Variants in SLC24A2 observed in about 807,000 individuals in gnomAD.
SLC24A2 encodes the protein solute carrier family 24 member 2.
A neutral mutation model predicts 62.0 loss-of-function variants in SLC24A2; 36 were observed. That is an observed-to-expected ratio of 0.58 (90% CI 0.44 to 0.77). The LOEUF (loss-of-function observed/expected upper bound fraction) is 0.77. Among genes scored for constraint, SLC24A2 ranks in the 30% least tolerant of loss-of-function variants. SLC24A2 has a pLI of 0.00. For missense variants in SLC24A2, 846 were observed against 817.9 expected, an observed-to-expected ratio of 1.03 and a Z score of -0.42; for synonymous variants, 358 against 294.0, an observed-to-expected ratio of 1.22 and a Z score of -2.23.
the SLC24A2 span, among the ~76,000 whole-genome samples, chr9:20,203,779 C>T: frequency 6.6e-6 from 1 of 152,134 alleles, no homozygotes; most frequent in Non-Finnish European, 1.5e-5. Flanking sequence ...AGAAAAAATA[C>T]ATCCCAACCC....
chr9:19,792,538 A>G (rs913240707), upstream of SLC24A2, among the ~76,000 whole-genome samples: 7 of 25,562 alleles, frequency 2.7e-4, no homozygotes, highest in Non-Finnish European at 6.9e-4. Flanking sequence ...TAAAAATACA[A>G]AAAAAAAAAA....
the SLC24A2 span, among the ~76,000 whole-genome samples, chr9:20,002,910 C>T: frequency 1.8e-3 from 276 of 152,306 alleles, 1 homozygote; most frequent in African/African-American, 5.7e-3. Flanking sequence ...GCTGACTCTA[C>T]GGATGTACAA....
the SLC24A2 span, among the ~76,000 whole-genome samples, chr9:20,157,960 A>G: frequency 6.6e-6 from 1 of 151,648 alleles, no homozygotes; most frequent in Non-Finnish European, 1.5e-5. Context: ...ATAAGAAGAA[A>G]GTAAGCAAAC....
the SLC24A2 span, among the ~76,000 whole-genome samples, chr9:20,166,468 G>A: frequency 3.3e-5 from 5 of 151,932 alleles, no homozygotes; most frequent in African/African-American, 4.8e-5. Flanking sequence ...TTATGCAACT[G>A]TAAAACAGAG....
the SLC24A2 span, among the ~76,000 whole-genome samples, chr9:20,201,278 A>T: frequency 6.6e-6 from 1 of 152,228 alleles, no homozygotes; most frequent in African/African-American, 2.4e-5. Context: ...GCCTCACTGA[A>T]TACAGAGAAA....
the SLC24A2 span, among the ~76,000 whole-genome samples, chr9:19,822,458 T>C: frequency 6.6e-6 from 1 of 152,154 alleles, no homozygotes; most frequent in African/African-American, 2.4e-5. Context: ...CTGTGACTGA[T>C]GCTGGTCTTA....
chr9:20,018,951 C>G, the SLC24A2 span, among the ~76,000 whole-genome samples: 4 of 151,918 alleles, frequency 2.6e-5, no homozygotes, highest in African/African-American at 9.7e-5. Context: ...GTCATCTCAG[C>G]TCCTCAGGAG....
the SLC24A2 span, among the ~76,000 whole-genome samples, chr9:20,020,825 T>C: frequency 6.6e-6 from 1 of 152,200 alleles, no homozygotes; most frequent in Non-Finnish European, 1.5e-5. Context: ...CACTTTTACC[T>C]TTACTCCTTG....
chr9:19,704,482 T>A (rs1007308825), intron 2 of SLC24A2, among the ~76,000 whole-genome samples: 1 of 152,226 alleles, frequency 6.6e-6, no homozygotes, highest in East Asian at 1.9e-4. Flanking sequence ...CTGGAAATTA[T>A]TTAAATTTTT....
the SLC24A2 span, among the ~76,000 whole-genome samples, chr9:20,281,661 G>C: frequency 6.6e-6 from 1 of 152,182 alleles, no homozygotes; most frequent in Non-Finnish European, 1.5e-5. Flanking sequence ...GAACTGCTCA[G>C]CATCATTGTT....
At chr9:19,529,704 G>T (rs1044604110) in intron 8 of SLC24A2, among the ~76,000 whole-genome samples, 2 of 150,030 alleles carry the variant, frequency 1.3e-5, no homozygotes, top group Admixed American at 1.3e-4. Flanking sequence ...GGGTAATGGG[G>T]GAAATAAAAA....
intron 2 of SLC24A2, among the ~76,000 whole-genome samples, chr9:19,668,229 G>A (rs1230394218): frequency 1.3e-5 from 2 of 152,098 alleles, no homozygotes; most frequent in African/African-American, 2.4e-5. Flanking sequence ...TTTATTTTGC[G>A]ATCCCACCAG....
intron 2 of SLC24A2, among the ~76,000 whole-genome samples, chr9:19,747,499 C>G (rs558786566): frequency 1.3e-5 from 2 of 152,260 alleles, no homozygotes; most frequent in Admixed American, 6.5e-5. Context: ...TAGAAGAGGA[C>G]TAACTAATAC....
the SLC24A2 span, among the ~76,000 whole-genome samples, chr9:20,004,013 G>C: frequency 0.011 from 1,719 of 152,206 alleles, 13 homozygotes; most frequent in Admixed American, 0.022. Context: ...AATTAGTTGG[G>C]CTAGAGTGCT....
intron 9 of SLC24A2, among the ~76,000 whole-genome samples, chr9:19,523,852 G>A (rs960178731): frequency 6.6e-6 from 1 of 152,098 alleles, no homozygotes; most frequent in African/African-American, 2.4e-5. Context: ...ACAGAAGTGG[G>A]CTTACTGGGG....
At chr9:19,630,870 C>T (rs549189229) in intron 2 of SLC24A2, among the ~76,000 whole-genome samples, 37 of 152,306 alleles carry the variant, frequency 2.4e-4, no homozygotes, top group Middle Eastern at 6.8e-3. Context: ...GAACCAGTCT[C>T]ACTCCTTGAT....
chr9:20,016,698 G>C, the SLC24A2 span, among the ~76,000 whole-genome samples: 1 of 152,062 alleles, frequency 6.6e-6, no homozygotes, highest in South Asian at 2.1e-4. Context: ...CTGATTTGTT[G>C]ACAGCAAGTA....
the SLC24A2 span, among the ~76,000 whole-genome samples, chr9:20,053,609 T>C: frequency 1.3e-5 from 2 of 152,296 alleles, no homozygotes; most frequent in African/African-American, 4.8e-5. Flanking sequence ...GATTAGGTCA[T>C]GAGGGTGGAA....
intron 7 of SLC24A2, among the ~76,000 whole-genome samples, chr9:19,554,213 G>C (rs1834974308): frequency 6.6e-6 from 1 of 152,200 alleles, no homozygotes; most frequent in Non-Finnish European, 1.5e-5. Flanking sequence ...GCAAAGGAGA[G>C]AGGCCTCTGA....
Sources: gnomAD v4.1 joint callset for allele counts (sites outside exome capture counted in the v4.1 genomes callset) on GRCh38, gnomAD v4.1.1 for gene constraint, MANE v1.5 for transcripts, NCBI Gene and HGNC (gene_info 2026-07-23, HGNC 2026-07-21) for gene names.